The following STXBP5L variants were observed in gnomAD, a reference collection of about 807,000 sequenced individuals.
STXBP5L encodes the protein syntaxin-binding protein 5-like.
STXBP5L carries 65 observed loss-of-function variants against 144.5 expected under a neutral mutation model. The ratio of observed to expected loss-of-function variants is 0.45; its 90% CI spans 0.37 to 0.55. STXBP5L has a LOEUF of 0.55. Among genes scored for constraint, STXBP5L ranks in the 20% least tolerant of loss-of-function variants. The pLI is 0.00. For synonymous variants in STXBP5L, 505 were observed against 469.6 expected, an observed-to-expected ratio of 1.08 and a Z score of -0.97; for missense variants, 1,298 against 1,405.5, an observed-to-expected ratio of 0.92 and a Z score of 1.22.
chr3:121,240,469 C>G lies in STXBP5L; in HGVS notation c.1362C>G (p.Asn454Lys), dbSNP rs377131506. 6.2e-7 allele frequency: 1 copy of G among 1,613,400 alleles called. No individual in the cohort carries two copies. The change falls in exon 14 of 27, where the codon AAC becomes AAG. Residue 454 changes from asparagine to lysine, a missense_variant. Asn to Lys is a moderately conservative substitution (Grantham distance 94, BLOSUM62 0). Coordinates refer to ENST00000471454, the MANE Select transcript of STXBP5L (RefSeq NM_001308330.2). Reference sequence around the variant, plus strand: ...GGCCAATCAGTGGAGGAGCTTGGAACCTTGGAGCACAAACATATCCAGAAA... The same window carrying G: ...GGCCAATCAGTGGAGGAGCTTGGAAGCTTGGAGCACAAACATATCCAGAAA... ...KEWPISGGAW[N>K]LGAQTYPEII...
rs529771870 is a variant in STXBP5L, at chr3:121,420,647, T to G, written c.*1550T>G. 1 of 152,292 alleles carries G rather than the reference T, an allele frequency of 6.6e-6. No individual in the cohort carries two copies. The highest frequency in any genetic ancestry group is 1.9e-4 in the East Asian group (1 of 5,190). 9.4% of individuals were successfully genotyped at this position (152,292 alleles called of 1,614,324 possible). On this transcript the variant is annotated 3_prime_UTR_variant, in exon 27 of 27. Transcript: ENST00000471454. Reference sequence around the variant, plus strand: ...TTCCAGGACCCATCCTGTAATATGTTGTTTCGTCAAGAAAAGTTTTAATTA... The same window carrying G: ...TTCCAGGACCCATCCTGTAATATGTGGTTTCGTCAAGAAAAGTTTTAATTA...
chr3:121,370,956 T>A (rs536752598), intron 20 of STXBP5L, among the ~76,000 whole-genome samples: 1 of 152,360 alleles, frequency 6.6e-6, no homozygotes, highest in Admixed American at 6.5e-5. Flanking sequence ...TCAACATTCT[T>A]CTGAATCTTG....
At chr3:121,072,066 C>T (rs2041833740) in intron 5 of STXBP5L, among the ~76,000 whole-genome samples, 2 of 152,220 alleles carry the variant, frequency 1.3e-5, no homozygotes, top group Non-Finnish European at 1.5e-5. Context: ...TTAACATCTG[C>T]ATTAGCTGTT....
chr3:121,382,442 T>C, intron 22 of STXBP5L, among the ~76,000 whole-genome samples: 1 of 152,188 alleles, frequency 6.6e-6, no homozygotes, highest in South Asian at 2.1e-4. Context: ...CAATGAAAAA[T>C]ATATTTTACT....
chr3:121,052,959 A>G (rs916221132), intron 5 of STXBP5L, among the ~76,000 whole-genome samples: 2 of 152,212 alleles, frequency 1.3e-5, no homozygotes, highest in African/African-American at 4.8e-5. Context: ...ATAACAGACA[A>G]ACAGAGAGCC....
chr3:121,295,457 T>C (rs549751152), intron 19 of STXBP5L, among the ~76,000 whole-genome samples: 2 of 152,196 alleles, frequency 1.3e-5, no homozygotes, highest in African/African-American at 4.8e-5. Flanking sequence ...AGTGTAAATT[T>C]CTTACTACAA....
chr3:120,985,913 T>G (rs1942244902), intron 3 of STXBP5L, among the ~76,000 whole-genome samples: 1 of 151,972 alleles, frequency 6.6e-6, no homozygotes, highest in South Asian at 2.1e-4. Context: ...CTATTTTTAA[T>G]TTGTCTCTGC....
intron 18 of STXBP5L, among the ~76,000 whole-genome samples, chr3:121,263,149 G>A (rs979654491): frequency 6.6e-6 from 1 of 152,210 alleles, no homozygotes; most frequent in Admixed American, 6.5e-5. Context: ...TTGTTCTGCT[G>A]CCTCCACTAG....
At chr3:120,999,816 TTCTCCTTTATTTG>T (rs143340525) in intron 3 of STXBP5L, among the ~76,000 whole-genome samples, 20,310 of 152,126 alleles carry the variant, frequency 0.13, 1,510 homozygotes, top group South Asian at 0.27. Context: ...AATATTGCAT[TTCTCCTTTATTTG>T]TCTCCTTTAT....
intron 3 of STXBP5L, among the ~76,000 whole-genome samples, chr3:120,984,982 A>G (rs763699914): frequency 1.5e-4 from 23 of 152,004 alleles, no homozygotes; most frequent in Non-Finnish European, 2.9e-4. Flanking sequence ...TCATATGTTG[A>G]ACAATTCTTG....
At position 121,092,347 on chromosome 3, in the gene STXBP5L, T is replaced by C. The variant is rs554151937; in HGVS notation, c.471-22578T>C. On this transcript the variant is annotated intron_variant, in intron 5 of 26. Coordinates refer to ENST00000471454, the MANE Select transcript of STXBP5L (RefSeq NM_001308330.2). ...CTTGATGGGGATGGCATTGAATCTATAAATTACCTTGGGCAGTATGGCCAT... is the reference window on the plus strand; with the variant it reads ...CTTGATGGGGATGGCATTGAATCTACAAATTACCTTGGGCAGTATGGCCAT... 1.1e-3 allele frequency among the ~76,000 whole-genome samples: 169 copies of C among 152,246 alleles called. 1 individual carries two copies. The highest frequency in any genetic ancestry group is 3.9e-3 in the African/African-American group (163 of 41,540).
intron 3 of STXBP5L, among the ~76,000 whole-genome samples, chr3:121,019,001 C>T (rs2108197647): frequency 1.3e-5 from 2 of 152,260 alleles, no homozygotes; most frequent in South Asian, 2.1e-4. Context: ...TCACCGGCTG[C>T]CGGGAAATAA....
intron 3 of STXBP5L, among the ~76,000 whole-genome samples, chr3:121,028,309 T>C (rs1946101166): frequency 6.6e-6 from 1 of 152,128 alleles, no homozygotes; most frequent in Non-Finnish European, 1.5e-5. Flanking sequence ...CAGAAATTTT[T>C]GCAGTATTTT....
rs113554295 is a variant in STXBP5L at position 120,932,935 on chromosome 3, A to G, written c.190-22005A>G. ...AGCTGGAAACCATCATTCTCAGTAA[A>G]CTATCGCAAGGACAAAAAACCAAAC... is the stretch of plus-strand genomic sequence containing the variant. On this transcript the variant is annotated intron_variant, in intron 2 of 26. Transcript: ENST00000471454. Among the ~76,000 whole-genome samples, 394 of 151,850 alleles carry G rather than the reference A, an allele frequency of 2.6e-3. 2 individuals carry two copies. The highest frequency in any genetic ancestry group is 8.9e-3 in the African/African-American group (368 of 41,386).
chr3:121,225,155 C>T (rs910760359), intron 11 of STXBP5L, among the ~76,000 whole-genome samples: 5 of 152,158 alleles, frequency 3.3e-5, no homozygotes, highest in Admixed American at 1.3e-4. Context: ...ATATATCCAC[C>T]TCAAGCAGAA....
chr3:121,105,381 T>C (rs930704221), intron 5 of STXBP5L, among the ~76,000 whole-genome samples: 2 of 130,150 alleles, frequency 1.5e-5, no homozygotes, highest in Non-Finnish European at 3.1e-5. Context: ...GGCAACAGAG[T>C]GAGACTCTGT....
intron 5 of STXBP5L, among the ~76,000 whole-genome samples, chr3:121,075,061 C>G (rs2041964474): frequency 6.6e-6 from 1 of 152,090 alleles, no homozygotes; most frequent in African/African-American, 2.4e-5. Flanking sequence ...TCCTTGGGGC[C>G]TAATGAAGTG....
intron 3 of STXBP5L, among the ~76,000 whole-genome samples, chr3:121,030,697 A>G (rs915951011): frequency 1.3e-5 from 2 of 152,016 alleles, no homozygotes; most frequent in African/African-American, 4.8e-5. Context: ...AAATTCCCAG[A>G]ATTCCCAGGC....
At chr3:121,283,883 TTGTGTGTGTGCTTGTG>T (rs1242586129) in intron 19 of STXBP5L, among the ~76,000 whole-genome samples, 2 of 143,814 alleles carry the variant, frequency 1.4e-5, no homozygotes, top group Admixed American at 7.2e-5. Flanking sequence ...TCTCCTACAT[TTGTGTGTGTGCTTGTG>T]TGTGTGTGTG....
Sources: gnomAD v4.1 joint callset for allele counts (sites outside exome capture counted in the v4.1 genomes callset) on GRCh38, gnomAD v4.1.1 for gene constraint, MANE v1.5 for transcripts, NCBI Gene and HGNC (gene_info 2026-07-23, HGNC 2026-07-21) for gene names.